The following TRPM6 variants were observed in gnomAD, a reference collection of about 807,000 sequenced individuals.
The protein encoded by TRPM6 is channel kinase 2.
A neutral mutation model predicts 247.6 loss-of-function variants in TRPM6; 111 were observed. That is an observed-to-expected ratio of 0.45 (90% CI 0.38 to 0.52). TRPM6 has a LOEUF of 0.52. TRPM6 is among the 20% of genes least tolerant of loss of function. The pLI is 0.00. For synonymous variants in TRPM6, 892 were observed against 853.8 expected (o/e 1.04, Z -0.78); for missense variants, 2,126 against 2,421.5 (o/e 0.88, Z 2.56).
At chr9:74,782,142 C>T (rs1032154132) in intron 23 of TRPM6, among the ~76,000 whole-genome samples, 5 of 152,152 alleles carry the variant, frequency 3.3e-5, no homozygotes, top group Non-Finnish European at 7.3e-5. Context: ...TAGAACAAGT[C>T]CTCCACAGAT....
chr9:74,860,027 T>C (rs932016775), intron 1 of TRPM6, among the ~76,000 whole-genome samples: 5 of 152,170 alleles, frequency 3.3e-5, no homozygotes, highest in African/African-American at 1.2e-4. Flanking sequence ...TTGTCCAACA[T>C]GCACCAATCC....
intron 8 of TRPM6, among the ~76,000 whole-genome samples, chr9:74,820,973 G>T (rs865941404): frequency 6.6e-6 from 1 of 152,184 alleles, no homozygotes; most frequent in Non-Finnish European, 1.5e-5. Context: ...AGATGGTAGA[G>T]GGCGGAAGTG....
At chr9:74,807,016 G>T (rs1828547583) in intron 14 of TRPM6, among the ~76,000 whole-genome samples, 1 of 152,222 alleles carries the variant, frequency 6.6e-6, no homozygotes, top group Admixed American at 6.5e-5. Flanking sequence ...TCACAGCAAT[G>T]TCTGTTCTGT....
In TRPM6 at chr9:74,887,666, A is replaced by G. The variant is rs770750270; in HGVS notation, c.33+158T>C. The stretch of plus-strand genomic sequence containing the variant: ...ATAATCATCTTTGGGTGGAGACCAG[A>G]GAACTTGAAAGCCGGTATTTCATAA... On this transcript the variant is annotated intron_variant, in intron 1 of 38. Transcript: ENST00000360774. 8 of 1,599,032 alleles carry G rather than the reference A, an allele frequency of 5.0e-6. No individual in the cohort carries two copies. The South Asian group carries it at 8.8e-5, about 18-fold the overall frequency.
At position 74,782,343 on chromosome 9, in the gene TRPM6, T is replaced by C. The variant is rs776576932; in HGVS notation, c.3209+19A>G. ...CACATTTCTTATTTAAATAATCATA[T>C]TTAATTGAAATAACCTACTTGAAGA... On this transcript the variant is annotated intron_variant, in intron 23 of 38. Transcript: ENST00000360774. The C allele has an allele frequency of 3.8e-6, 6 of 1,559,694 alleles. No homozygotes were observed. In the South Asian group the frequency reaches 6.7e-5, roughly 17 times the overall value.
intron 7 of TRPM6, among the ~76,000 whole-genome samples, chr9:74,825,378 C>T (rs1335693489): frequency 3.3e-5 from 5 of 152,080 alleles, no homozygotes; most frequent in African/African-American, 1.2e-4. Flanking sequence ...GCCAACCTCC[C>T]TCATAAGTAT....
At chr9:74,813,805 T>C (rs923948085) in intron 11 of TRPM6, among the ~76,000 whole-genome samples, 1 of 152,126 alleles carries the variant, frequency 6.6e-6, no homozygotes, top group African/African-American at 2.4e-5. Context: ...AAAGAAGATA[T>C]CGTATTCTGG....
intron 36 of TRPM6, 143 bp downstream of exon 36, chr9:74,738,264 T>C (rs1825755817): frequency 4.9e-6 from 4 of 820,656 alleles, no homozygotes; most frequent in Non-Finnish European, 8.2e-6. Context: ...TGATTATCAC[T>C]GTACAATGTC....
intron 29 of TRPM6, 48 bp downstream of exon 29, chr9:74,752,229 C>T: frequency 1.9e-6 from 2 of 1,064,712 alleles, no homozygotes; most frequent in Non-Finnish European, 2.9e-6. Context: ...TCAAGAGTAG[C>T]ACTGCATGCT....
chr9:74,860,156 T>C (rs1326936281), intron 1 of TRPM6, among the ~76,000 whole-genome samples: 6 of 152,132 alleles, frequency 3.9e-5, no homozygotes, highest in Admixed American at 3.9e-4. Context: ...ATTTAAATCT[T>C]ACCTATAAAC....
chr9:74,883,431 C>T (rs901249832), intron 1 of TRPM6, among the ~76,000 whole-genome samples: 1 of 152,092 alleles, frequency 6.6e-6, no homozygotes, highest in South Asian at 2.1e-4. Context: ...TCAGTTTCAT[C>T]GAGAAGCATC....
At chr9:74,728,370 T>G in intron 37 of TRPM6, 25 bp from the exon 38 acceptor site, 1 of 1,499,992 alleles carries the variant, frequency 6.7e-7, no homozygotes, top group Non-Finnish European at 9.3e-7. Context: ...AGAATATCAA[T>G]TAGATCACAG....
chr9:74,877,607 C>T (rs746544442), intron 1 of TRPM6, among the ~76,000 whole-genome samples: 6 of 152,300 alleles, frequency 3.9e-5, no homozygotes, highest in African/African-American at 1.4e-4. Context: ...CCCCTGCCCA[C>T]AGCCCACCTC....
At chr9:74,753,410 G>A (rs1260741937) in intron 28 of TRPM6, among the ~76,000 whole-genome samples, 1 of 152,096 alleles carries the variant, frequency 6.6e-6, no homozygotes, top group African/African-American at 2.4e-5. Flanking sequence ...ACTATTTGAA[G>A]GCCAAGTGGA....
chr9:74,778,278 C>A (rs1211142466), intron 23 of TRPM6, among the ~76,000 whole-genome samples: 3 of 152,244 alleles, frequency 2.0e-5, no homozygotes, highest in Non-Finnish European at 2.9e-5. Flanking sequence ...GCAGCCCCCA[C>A]AGGATCCCCC....
intron 14 of TRPM6, among the ~76,000 whole-genome samples, chr9:74,805,795 A>C (rs1828507027): frequency 6.6e-6 from 1 of 151,146 alleles, no homozygotes; most frequent in Non-Finnish European, 1.5e-5. Flanking sequence ...GACGACTGGA[A>C]AAAAAAAAGT....
At chr9:74,851,763 A>C in intron 3 of TRPM6, among the ~76,000 whole-genome samples, 1 of 138,526 alleles carries the variant, frequency 7.2e-6, no homozygotes, top group East Asian at 2.1e-4. Flanking sequence ...AAAAAAAAAA[A>C]ATATATATAT....
chr9:74,816,835 C>G (rs370409973), intron 10 of TRPM6, 57 bp downstream of exon 10: 102 of 1,609,164 alleles, frequency 6.3e-5, no homozygotes, highest in Admixed American at 1.2e-4. Flanking sequence ...GCACAAAGTA[C>G]TGTGGAACAT....
chr9:74,746,238 C>CAA (rs367761076), intron 31 of TRPM6, among the ~76,000 whole-genome samples: 32 of 121,096 alleles, frequency 2.6e-4, no homozygotes, highest in Admixed American at 1.1e-3. Flanking sequence ...GACTCCATCT[C>CAA]AAAAAAAAAA....
Sources: allele counts gnomAD v4.1 joint callset (sites outside exome capture counted in the v4.1 genomes callset), GRCh38; gene constraint gnomAD v4.1.1; transcripts MANE v1.5; gene names NCBI Gene and HGNC (gene_info 2026-07-23, HGNC 2026-07-21).